The following FAAP20 variants were observed in gnomAD, a reference collection of about 807,000 sequenced individuals.
The protein encoded by FAAP20 is FA core complex associated protein 20, also known as Fanconi anemia core complex-associated protein 20.
A neutral mutation model predicts 16.2 loss-of-function variants in FAAP20; 12 were observed. The observed-to-expected ratio is 0.74, with a 90% CI of 0.48 to 1.20. The LOEUF (loss-of-function observed/expected upper bound fraction) is 1.20, where lower values mean the gene tolerates loss of function less well. Ranked by LOEUF, FAAP20 falls within the 50% of genes most tolerant of loss-of-function variation. The pLI, the probability that FAAP20 is intolerant of heterozygous loss-of-function variation, is 0.00. For missense variants in FAAP20, 288 were observed against 245.8 expected (o/e 1.17, Z -1.15); for synonymous variants, 141 against 110.7 (o/e 1.27, Z -1.72).
chr1:2,199,605 A>G, upstream of FAAP20: 1 of 985,838 alleles, frequency 1.0e-6, no homozygotes, highest in Non-Finnish European at 1.2e-6. This position sits in a 1 kb window ranked among gnomAD's most constrained non-coding sequence, Gnocchi z 4.5. Context: ...GGCAAGTCAC[A>G]GAAACCAAGC....
At chr1:2,206,795 T>G (rs1255105325) in intron 1 of FAAP20, 1 of 141,834 alleles carries the variant, frequency 7.1e-6, no homozygotes, top group African/African-American at 2.6e-5. Context: ...ATGGCGCCAC[T>G]GCACTCCAGC....
chr1:2,189,873 G>T, intron 3 of FAAP20, 92 bp from the exon 4 acceptor site: 2 of 1,005,522 alleles, frequency 2.0e-6, no homozygotes, highest in Non-Finnish European at 3.1e-6. Flanking sequence ...CTCTGCTCCT[G>T]CCGCTGGAGA....
chr1:2,188,181 C>T (rs1463326180), downstream of FAAP20, among the ~76,000 whole-genome samples: 1 of 152,244 alleles, frequency 6.6e-6, no homozygotes, highest in Non-Finnish European at 1.5e-5. Context: ...AAGCCCGGCT[C>T]TCCAGAACCT....
At chr1:2,201,038 G>A, upstream of FAAP20, 3 of 1,288,276 alleles carry the variant, frequency 2.3e-6, no homozygotes, top group Non-Finnish European at 3.0e-6. Context: ...CACCTTCCAG[G>A]ACCCAGCTCA....
downstream of FAAP20, among the ~76,000 whole-genome samples, chr1:2,209,509 C>T (rs1689376244): frequency 6.6e-6 from 1 of 152,252 alleles, no homozygotes. Flanking sequence ...ACCATTTCCA[C>T]ACTCACCCAC....
chr1:2,211,842 C>T (rs1689455938), downstream of FAAP20, among the ~76,000 whole-genome samples: 1 of 151,666 alleles, frequency 6.6e-6, no homozygotes, highest in Admixed American at 6.6e-5. Context: ...GCCTCGGCCT[C>T]CCAAAGTGCA....
At position 2,194,022 on chromosome 1, in the gene FAAP20, A is replaced by C. The variant is rs760689651; in HGVS notation, c.174T>G (p.Pro58=). ...CCTGTCCTGGGAAGGCGGGCAGTGA[A>C]GGCACCTCGTGATCCAGGATCAGCT... is the stretch of plus-strand genomic sequence containing the variant. ...SPELILDHEV[P]SLPAFPGQEP... is the part of the protein sequence containing the mutation. The change falls in exon 2 of 4, where the codon CCT becomes CCG. Residue 58 remains proline (P), a synonymous_variant. Coordinates refer to ENST00000378546, the MANE Select transcript of FAAP20 (RefSeq NM_182533.4). The C allele has an allele frequency of 4.3e-6, 7 of 1,612,618 alleles. No homozygotes were observed. The highest frequency in any genetic ancestry group is 5.9e-6 in the Non-Finnish European group (7 of 1,179,960).
At chr1:2,210,306 G>A (rs1434398534), downstream of FAAP20, among the ~76,000 whole-genome samples, 6 of 152,226 alleles carry the variant, frequency 3.9e-5, no homozygotes, top group South Asian at 2.1e-4. Context: ...TCGGCCAGTG[G>A]GACACCTGCT....
intron 3 of FAAP20, chr1:2,192,492 T>C: frequency 1.0e-6 from 1 of 997,776 alleles, no homozygotes; most frequent in Non-Finnish European, 1.2e-6. Flanking sequence ...TTTTAGACTA[T>C]CTGGAAAAGC....
intron 1 of FAAP20, among the ~76,000 whole-genome samples, chr1:2,194,399 GCGGAGGGCC>G (rs1688641551): frequency 6.9e-6 from 1 of 145,350 alleles, no homozygotes. Flanking sequence ...TGGGGAGATT[GCGGAGGGCC>G]TGGGGAAGGT....
chr1:2,194,723 C>T lies in FAAP20; in HGVS notation c.27G>A (p.Leu9=). 8.4e-7 allele frequency: 1 copy of T among 1,192,806 alleles called. No homozygotes were observed. Among genetic ancestry groups the T allele is most frequent in the Non-Finnish European group, 1.0e-6 (1 of 964,876 alleles). The allele number at this position is 1,192,806 out of a possible 1,614,324, so 73.9% of individuals were successfully genotyped here. A position where few individuals can be genotyped will look rare whatever the true frequency, so the allele number is the denominator to read the frequency against. The part of the protein sequence containing the change: MEAARRPR[L]GLSRRRPRPA... The stretch of plus-strand genomic sequence containing the variant: ...GGCGCGGCCTCCGGCGGCTCAACCC[C>T]AGCCGCGGCCTCCGCGCCGCCTCCA... Residue 9 remains leucine (L), a synonymous_variant, in exon 1 of 4, where the codon CTG becomes CTA. Transcript: ENST00000378546.
rs887875695 is a variant in FAAP20, at chr1:2,192,999, A to G, written c.470+640T>C. The G allele has an allele frequency of 1.2e-5, 16 of 1,303,764 alleles. No homozygotes were observed. In the African/African-American group the frequency reaches 1.8e-4, roughly 15 times the overall value. 80.8% of individuals were successfully genotyped at this position (1,303,764 alleles called of 1,614,324 possible). ...TTCTGGAAGACCAGGGGCATCAGGC[A>G]TGACTGAAGGACCTGGTCTCCATAA... is the stretch of plus-strand genomic sequence containing the variant. On this transcript the variant is annotated intron_variant, in intron 3 of 3. Transcript: ENST00000378546.
downstream of FAAP20, among the ~76,000 whole-genome samples, chr1:2,208,283 C>T (rs1337798384): frequency 6.6e-6 from 1 of 152,108 alleles, no homozygotes; most frequent in Non-Finnish European, 1.5e-5. Context: ...CTCAGCCCTG[C>T]CTCCCTGCAG....
chr1:2,190,071 C>G (rs1486563344), intron 3 of FAAP20: 1 of 581,542 alleles, frequency 1.7e-6, no homozygotes, highest in Admixed American at 2.2e-5. Flanking sequence ...GGCGCCTGCT[C>G]AGCTTGAGAA....
downstream of FAAP20, among the ~76,000 whole-genome samples, chr1:2,189,019 A>C (rs1368095867): frequency 2.1e-5 from 3 of 145,188 alleles, no homozygotes; most frequent in Non-Finnish European, 4.5e-5. Context: ...AAGAAAAAAA[A>C]AAAAAAAAAC....
chr1:2,184,941 G>A (rs138081046), downstream of FAAP20: 25 of 1,613,744 alleles, frequency 1.5e-5, no homozygotes, highest in African/African-American at 4.0e-5. Context: ...AAAGAGGATC[G>A]ACCAGTCAGA....
At chr1:2,194,619 C>CGG in intron 1 of FAAP20, 69 bp downstream of exon 1, 1 of 875,456 alleles carries the variant, frequency 1.1e-6, no homozygotes, top group African/African-American at 1.8e-5. Context: ...GCGGGAGGCC[C>CGG]GCGGGGGCGC....
chr1:2,197,903 C>A, upstream of FAAP20: 3 of 1,182,150 alleles, frequency 2.5e-6, no homozygotes, highest in Non-Finnish European at 3.3e-6. Flanking sequence ...TCCCCTCCCG[C>A]CTGACAGCTT....
chr1:2,197,440 C>T (rs533646254), upstream of FAAP20, among the ~76,000 whole-genome samples: 322 of 152,350 alleles, frequency 2.1e-3, 1 homozygote, highest in South Asian at 6.8e-3. Flanking sequence ...GCTCTCGCTG[C>T]GGGTGCCCCA....
Sources: allele counts gnomAD v4.1 joint callset (sites outside exome capture counted in the v4.1 genomes callset), GRCh38; gene constraint gnomAD v4.1.1; non-coding constraint Gnocchi (gnomAD v3.1); transcripts MANE v1.5; gene names NCBI Gene and HGNC (gene_info 2026-07-23, HGNC 2026-07-21).